Variants in NMNAT3 observed in about 807,000 individuals in gnomAD.
The protein encoded by NMNAT3 is nicotinamide nucleotide adenylyltransferase 3.
In NMNAT3, 21 loss-of-function variants were observed where a neutral mutation model predicts 24.8. The ratio of observed to expected loss-of-function variants is 0.85; its 90% CI spans 0.60 to 1.22. NMNAT3 has a LOEUF of 1.22. Ranked by LOEUF, NMNAT3 falls within the 50% of genes most tolerant of loss-of-function variation. The probability of loss-of-function intolerance (pLI) is 0.00; values close to 1 mark genes in which losing one functional copy is unlikely to be tolerated. For missense variants in NMNAT3, 387 were observed against 436.6 expected, an observed-to-expected ratio of 0.89 and a Z score of 1.01; for synonymous variants, 136 against 155.2, an observed-to-expected ratio of 0.88 and a Z score of 0.92.
At chr3:139,633,646 G>T (rs1178544609) in intron 2 of NMNAT3, among the ~76,000 whole-genome samples, 1 of 152,152 alleles carries the variant, frequency 6.6e-6, no homozygotes, top group Non-Finnish European at 1.5e-5. Context: ...GGAAGATAGT[G>T]AATACTGTGT....
chr3:139,583,999 G>T, intron 3 of NMNAT3: 2 of 171,804 alleles, frequency 1.2e-5, no homozygotes, highest in East Asian at 1.7e-4. Context: ...ATTGCTAGAG[G>T]CTTGTCATTT....
chr3:139,573,525 A>C (rs913891877), intron 6 of NMNAT3, 73 bp downstream of exon 6: 2 of 821,752 alleles, frequency 2.4e-6, no homozygotes, highest in Admixed American at 6.3e-5. Context: ...AGCTGTGACC[A>C]CCCCTACCCC....
chr3:139,642,294 T>G (rs956143433), intron 1 of NMNAT3, among the ~76,000 whole-genome samples: 2 of 152,234 alleles, frequency 1.3e-5, no homozygotes, highest in Non-Finnish European at 2.9e-5. Context: ...TCCAAAGAGA[T>G]ATACCTCAAG....
At chr3:139,599,813 T>G (rs2054632200) in intron 3 of NMNAT3, among the ~76,000 whole-genome samples, 1 of 152,234 alleles carries the variant, frequency 6.6e-6, no homozygotes, top group South Asian at 2.1e-4. Flanking sequence ...ACCTATTTAC[T>G]GCTCCGCCCT....
chr3:139,654,368 G>C (rs982573676), intron 1 of NMNAT3, among the ~76,000 whole-genome samples: 1 of 152,200 alleles, frequency 6.6e-6, no homozygotes, highest in African/African-American at 2.4e-5. Flanking sequence ...ACCAGGGAGA[G>C]AGAGAGCCAG....
intron 3 of NMNAT3, among the ~76,000 whole-genome samples, chr3:139,589,192 C>G (rs565524085): frequency 6.6e-6 from 1 of 152,202 alleles, no homozygotes; most frequent in Admixed American, 6.5e-5. Context: ...GAAGAAAAGA[C>G]TAGAGGTTTA....
chr3:139,581,813 G>A (rs1460288811), intron 4 of NMNAT3, among the ~76,000 whole-genome samples: 1 of 152,114 alleles, frequency 6.6e-6, no homozygotes, highest in Non-Finnish European at 1.5e-5. Context: ...TGGTCTCACG[G>A]CTGTACACAT....
chr3:139,589,399 G>C lies in NMNAT3; in HGVS notation c.110-6191C>G, dbSNP rs187972230. The stretch of plus-strand genomic sequence containing the variant: ...GGCAAAACATTATAAGATTTTAGAT[G>C]AGTAGGTTTAAAGAGAAGGTCCTGA... On this transcript the variant is annotated intron_variant, in intron 3 of 6. Transcript: ENST00000643695. 1.4e-3 allele frequency among the ~76,000 whole-genome samples: 219 copies of C among 152,338 alleles called. 2 individuals carry two copies. The highest frequency in any genetic ancestry group is 2.4e-3 in the Non-Finnish European group (165 of 68,026).
chr3:139,571,381 A>G (rs1210826972), intron 6 of NMNAT3: 1 of 152,690 alleles, frequency 6.5e-6, no homozygotes, highest in African/African-American at 2.4e-5. Flanking sequence ...GACACTCCCC[A>G]GTGAGATGAA....
intron 3 of NMNAT3, among the ~76,000 whole-genome samples, chr3:139,610,374 A>G (rs1265795358): frequency 6.6e-6 from 1 of 152,218 alleles, no homozygotes; most frequent in Non-Finnish European, 1.5e-5. Flanking sequence ...TTATTAAATC[A>G]GGAAAGCATT....
At chr3:139,586,615 C>T (rs2053950405) in intron 3 of NMNAT3, among the ~76,000 whole-genome samples, 2 of 152,294 alleles carry the variant, frequency 1.3e-5, no homozygotes, top group South Asian at 4.1e-4. Flanking sequence ...ACTCCCACAA[C>T]TGGCTCTTGA....
At chr3:139,569,167 C>T (rs1399148951) in intron 6 of NMNAT3, 1 of 68,436 alleles carries the variant, frequency 1.5e-5, no homozygotes, top group East Asian at 2.2e-3. Flanking sequence ...ATTGCAACCC[C>T]TGCCTTTTTT....
chr3:139,656,931 C>G (rs982757782), intron 1 of NMNAT3, among the ~76,000 whole-genome samples: 1 of 152,214 alleles, frequency 6.6e-6, no homozygotes. Flanking sequence ...AGTTAATATA[C>G]TATTTACTAG....
Position 139,571,752 on chromosome 3 carries a change from CAGAT to C in NMNAT3, c.658+1842_658+1845del, listed in dbSNP as rs1359902473. On this transcript the variant is annotated intron_variant, in intron 6 of 6. Coordinates refer to ENST00000643695, the MANE Select transcript of NMNAT3 (RefSeq NM_001320510.2). ...TGAATTCTGAACTGGGCCTCACAGACAGATAGGTTTTCAATAGGGGAACCAAGAA... is the reference window on the plus strand; with the variant it reads ...TGAATTCTGAACTGGGCCTCACAGACAGGTTTTCAATAGGGGAACCAAGAA... Among the ~76,000 whole-genome samples the C allele has an allele frequency of 2.6e-5, 4 of 151,896 alleles. No individual in the cohort carries two copies. In the East Asian group the frequency reaches 7.8e-4, roughly 30 times the overall value.
intron 3 of NMNAT3, among the ~76,000 whole-genome samples, chr3:139,615,514 C>T (rs2055456527): frequency 6.6e-6 from 1 of 151,796 alleles, no homozygotes; most frequent in Non-Finnish European, 1.5e-5. Flanking sequence ...CACCGACCCA[C>T]CCACTGTATC....
intron 3 of NMNAT3, among the ~76,000 whole-genome samples, chr3:139,615,557 C>G (rs1311564703): frequency 6.6e-6 from 1 of 151,976 alleles, no homozygotes; most frequent in Non-Finnish European, 1.5e-5. Flanking sequence ...CATGAGTTCA[C>G]CCTGATACCT....
intron 5 of NMNAT3, chr3:139,575,899 A>G (rs1939225951): frequency 7.8e-7 from 1 of 1,282,130 alleles, no homozygotes; most frequent in Non-Finnish European, 1.0e-6. Context: ...GAAGATGGCC[A>G]TAAGCATGGC....
At chr3:139,646,646 A>G (rs1220741543) in intron 1 of NMNAT3, among the ~76,000 whole-genome samples, 1 of 152,234 alleles carries the variant, frequency 6.6e-6, no homozygotes, top group Non-Finnish European at 1.5e-5. Context: ...TTCTGCTGAA[A>G]TAGGCAGCAG....
intron 2 of NMNAT3, among the ~76,000 whole-genome samples, chr3:139,631,578 G>T (rs1301073029): frequency 1.3e-5 from 2 of 152,160 alleles, no homozygotes; most frequent in African/African-American, 4.8e-5. Flanking sequence ...TGAGAATGTG[G>T]TGTACAGGCT....
Sources: gnomAD v4.1 joint callset for allele counts (sites outside exome capture counted in the v4.1 genomes callset) on GRCh38, gnomAD v4.1.1 for gene constraint, MANE v1.5 for transcripts, NCBI Gene and HGNC (gene_info 2026-07-23, HGNC 2026-07-21) for gene names.